The following SORCS2 variants were observed in gnomAD, a reference collection of about 807,000 sequenced individuals.
The protein encoded by SORCS2 is sortilin related VPS10 domain containing receptor 2.
In SORCS2, 100 loss-of-function variants were observed where a neutral mutation model predicts 141.6. The observed-to-expected ratio is 0.71, with a 90% CI of 0.60 to 0.83. The LOEUF (loss-of-function observed/expected upper bound fraction) is 0.83, where lower values mean the gene tolerates loss of function less well. SORCS2 is among the 40% of genes least tolerant of loss of function. The pLI, the probability that SORCS2 is intolerant of heterozygous loss-of-function variation, is 0.00. For missense variants in SORCS2, 1,646 were observed against 1,560.2 expected (o/e 1.05, Z -0.93); for synonymous variants, 789 against 676.9 (o/e 1.17, Z -2.57).
chr4:7,369,812 G>A (rs1376435522), intron 1 of SORCS2, among the ~76,000 whole-genome samples: 1 of 152,174 alleles, frequency 6.6e-6, no homozygotes, highest in Non-Finnish European at 1.5e-5. Context: ...CCATGGGCAC[G>A]TGGCAGGGCA....
intron 3 of SORCS2, among the ~76,000 whole-genome samples, chr4:7,573,866 G>A (rs1715557974): frequency 1.3e-5 from 2 of 152,086 alleles, no homozygotes; most frequent in South Asian, 4.1e-4. Context: ...AATTTCAAGT[G>A]GCTGTCCTGC....
Position 7,740,214 on chromosome 4 carries a change from G to A in SORCS2, c.3430G>A (p.Val1144Met), listed in dbSNP as rs189272447. Reference sequence around the variant, plus strand: ...CTGTTTCCTAGGCAACCACTCAGGCGTGGTCCTGAGCATCAACTCCCGAGA... The same window carrying A: ...CTGTTTCCTAGGCAACCACTCAGGCATGGTCCTGAGCATCAACTCCCGAGA... The part of the protein sequence containing the change: ...QGAVQGNHSG[V>M]VLSINSREMH... The change falls in exon 27 of 27, where the codon GTG becomes ATG. Residue 1144 changes from valine (V) to methionine (M), a missense_variant. Physicochemically the swap from Val to Met is conservative, Grantham distance 21. Coordinates refer to ENST00000507866, the MANE Select transcript of SORCS2 (RefSeq NM_020777.3). The A allele has an allele frequency of 1.1e-4, 173 of 1,608,794 alleles. No individual in the cohort carries two copies. In the African/African-American group the frequency reaches 1.6e-3, roughly 15 times the overall value.
At chr4:7,560,764 A>G (rs986352568) in intron 3 of SORCS2, among the ~76,000 whole-genome samples, 1 of 152,112 alleles carries the variant, frequency 6.6e-6, no homozygotes, top group Admixed American at 6.5e-5. Context: ...TTTGCCCGAC[A>G]TTCCATTCTT....
At chr4:7,675,325 A>C (rs1191131370) in intron 8 of SORCS2, among the ~76,000 whole-genome samples, 1 of 152,180 alleles carries the variant, frequency 6.6e-6, no homozygotes, top group East Asian at 1.9e-4. Flanking sequence ...ACTAGCTTAC[A>C]GGGTCCTGGT....
chr4:7,469,796 C>A (rs747942416), intron 2 of SORCS2, among the ~76,000 whole-genome samples: 1 of 152,200 alleles, frequency 6.6e-6, no homozygotes, highest in Non-Finnish European at 1.5e-5. Context: ...AATTTCTTTC[C>A]TTCTCATTGC....
intron 3 of SORCS2, among the ~76,000 whole-genome samples, chr4:7,578,589 C>T (rs560623284): frequency 6.6e-6 from 1 of 152,212 alleles, no homozygotes; most frequent in Non-Finnish European, 1.5e-5. Context: ...GGAACGTTTA[C>T]TTCTTTTACA....
chr4:7,600,654 TATACACACACACACAC>T (rs1480307782), intron 3 of SORCS2, among the ~76,000 whole-genome samples: 3 of 92,670 alleles, frequency 3.2e-5, no homozygotes, highest in African/African-American at 1.5e-4. Flanking sequence ...TACATATATA[TATACACACACACACAC>T]ACACACACAC....
In SORCS2 at chr4:7,737,108, C is replaced by G; in HGVS notation, c.3351C>G (p.Asn1117Lys). 1 of 1,551,408 alleles carries G rather than the reference C, an allele frequency of 6.4e-7. No homozygotes were observed. Among genetic ancestry groups the G allele is most frequent in the Non-Finnish European group, 8.7e-7 (1 of 1,146,930 alleles). The change falls in exon 26 of 27, where the codon AAC (asparagine) becomes AAG (lysine). Residue 1117 changes from asparagine (N) to lysine (K), a missense_variant. Asn to Lys is a moderately conservative substitution (Grantham distance 94). Transcript: ENST00000507866. ...GGACCGTGTACGCCCAAATGCACAA[C>G]GAGAAGGAGCAGGAGATGACCAGCC... ...PGRTVYAQMH[N>K]EKEQEMTSPV...
chr4:7,485,351 G>C (rs961639465), intron 2 of SORCS2, among the ~76,000 whole-genome samples: 8 of 152,234 alleles, frequency 5.3e-5, no homozygotes, highest in African/African-American at 1.9e-4. Flanking sequence ...GGCCATCCCA[G>C]CCAAGGCCCC....
intron 1 of SORCS2, among the ~76,000 whole-genome samples, chr4:7,215,371 C>T (rs1239142298): frequency 1.3e-5 from 2 of 152,346 alleles, no homozygotes; most frequent in East Asian, 3.9e-4. Context: ...TTCCGCGGGG[C>T]AGGGCTCGGG....
chr4:7,323,603 G>A (rs1577398516), intron 1 of SORCS2, among the ~76,000 whole-genome samples: 1 of 152,278 alleles, frequency 6.6e-6, no homozygotes, highest in African/African-American at 2.4e-5. Flanking sequence ...TGGGGGTTGA[G>A]GGCTGGGTTC....
chr4:7,486,622 G>A (rs1731005506), intron 2 of SORCS2, among the ~76,000 whole-genome samples: 1 of 152,206 alleles, frequency 6.6e-6, no homozygotes, highest in Admixed American at 6.5e-5. Flanking sequence ...TCAAACAGTA[G>A]AGAATTATTC....
chr4:7,418,233 G>A (rs1011305259), intron 2 of SORCS2, among the ~76,000 whole-genome samples: 1 of 152,194 alleles, frequency 6.6e-6, no homozygotes, highest in Non-Finnish European at 1.5e-5. Context: ...TCCCCATGGG[G>A]CTCGCGTTCT....
intron 3 of SORCS2, among the ~76,000 whole-genome samples, chr4:7,540,117 ACTCC>A (rs1380714693): frequency 1.1e-4 from 2 of 17,658 alleles, no homozygotes; most frequent in African/African-American, 2.5e-4. Flanking sequence ...GTGGGGCCCC[ACTCC>A]CTCCCTGCTA....
At chr4:7,554,885 A>C (rs1442579133) in intron 3 of SORCS2, among the ~76,000 whole-genome samples, 1 of 152,192 alleles carries the variant, frequency 6.6e-6, no homozygotes, top group African/African-American at 2.4e-5. Context: ...ACCTGCCTCC[A>C]GAACACTAGG....
chr4:7,194,016 C>T lies in SORCS2; in HGVS notation c.480+890C>T, dbSNP rs184685250. Reference sequence around the variant, plus strand: ...CTGCCTCAACCTCACTCCCCACTTCCCCCCACCCCCACAAAAGGGCCAAGG... The same window carrying T: ...CTGCCTCAACCTCACTCCCCACTTCTCCCCACCCCCACAAAAGGGCCAAGG... On this transcript the variant is annotated intron_variant, in intron 1 of 26. Coordinates refer to ENST00000507866, the MANE Select transcript of SORCS2 (RefSeq NM_020777.3). Among the ~76,000 whole-genome samples the T allele has an allele frequency of 6.6e-5, 10 of 152,270 alleles. No individual in the cohort carries two copies. The East Asian group carries it at 1.2e-3, about 18-fold the overall frequency.
rs560592898 is a variant in SORCS2 at position 7,412,682 on chromosome 4, A to G, written c.548+16327A>G. ...AGAGTTCTCCCATCAGCCCCTCCCC[A>G]CCCCTGGGGCGGGGGCCCTCCCTGC... is the stretch of plus-strand genomic sequence containing the variant. On this transcript the variant is annotated intron_variant, in intron 2 of 26. Coordinates refer to ENST00000507866, the MANE Select transcript of SORCS2 (RefSeq NM_020777.3). 6.0e-5 allele frequency among the ~76,000 whole-genome samples: 9 copies of G among 151,192 alleles called. No homozygotes were observed. In the South Asian group the frequency reaches 1.9e-3, roughly 32 times the overall value.
At chr4:7,434,872 C>A in intron 2 of SORCS2, 1 of 1,567,684 alleles carries the variant, frequency 6.4e-7, no homozygotes, top group Non-Finnish European at 8.6e-7. Context: ...GAGCAGGGCA[C>A]ACAGCATGCT....
intron 10 of SORCS2, 42 bp downstream of exon 10, chr4:7,682,931 A>T (rs1278538991): frequency 1.3e-6 from 2 of 1,597,190 alleles, no homozygotes; most frequent in Admixed American, 1.7e-5. Flanking sequence ...CTTGGCGTGG[A>T]TGCTAGATAT....
Sources: allele counts gnomAD v4.1 joint callset (sites outside exome capture counted in the v4.1 genomes callset), GRCh38; gene constraint gnomAD v4.1.1; transcripts MANE v1.5; gene names NCBI Gene and HGNC (gene_info 2026-07-23, HGNC 2026-07-21).